TERF2IP: variants seen among roughly 807,000 people sequenced by gnomAD.
The protein encoded by TERF2IP is telomeric repeat-binding factor 2-interacting protein 1.
TERF2IP carries 35 observed loss-of-function variants against 33.3 expected under a neutral mutation model. That is an observed-to-expected ratio of 1.05 (90% CI 0.80 to 1.39). The LOEUF is 1.39. Ranked by LOEUF, TERF2IP falls within the 40% of genes most tolerant of loss-of-function variation. The probability of loss-of-function intolerance (pLI) is 0.00; values close to 1 mark genes in which losing one functional copy is unlikely to be tolerated. For missense variants in TERF2IP, 583 were observed against 524.8 expected, an observed-to-expected ratio of 1.11 and a Z score of -1.08; for synonymous variants, 253 against 223.2, an observed-to-expected ratio of 1.13 and a Z score of -1.19.
chr16:75,651,732 G>C (rs1421889586), intron 1 of TERF2IP, among the ~76,000 whole-genome samples: 2 of 152,128 alleles, frequency 1.3e-5, no homozygotes, highest in African/African-American at 2.4e-5. Context: ...CAGACCCTGA[G>C]CCTAGGGTCA....
At position 75,648,185 on chromosome 16, in the gene TERF2IP, G is replaced by A; in HGVS notation, c.303G>A (p.Leu101=). The change falls in exon 1 of 3, where the codon CTG becomes CTA. Residue 101 remains leucine (L), a synonymous_variant. Coordinates refer to ENST00000300086, the MANE Select transcript of TERF2IP (RefSeq NM_018975.4). ...NERLELEAYR[L]GPASAADTGS... ...GGCTGGAGCTGGAGGCCTATCGGCTGGGCCCCGCCTCGGCGGCGGACACCG... is the reference window on the plus strand; with the variant it reads ...GGCTGGAGCTGGAGGCCTATCGGCTAGGCCCCGCCTCGGCGGCGGACACCG... 2 of 1,554,218 alleles carry A rather than the reference G, an allele frequency of 1.3e-6. No individual in the cohort carries two copies. The highest frequency in any genetic ancestry group is 1.7e-6 in the Non-Finnish European group (2 of 1,151,930).
In TERF2IP at chr16:75,648,255, C is replaced by T; in HGVS notation, c.373C>T (p.Pro125Ser). Residue 125 changes from proline to serine, a missense_variant, in exon 1 of 3, where the codon CCG (proline) becomes TCG (serine). Transcript: ENST00000300086. ...GGCCCTGGCCGAGGGCGCCGCGGAG[C>T]CGGAGCCGCAGCGGCACGCCGGGCG... ...PGALAEGAAEPEPQRHAGRIA... is the reference protein window; with the variant it reads ...PGALAEGAAESEPQRHAGRIA... The T allele has an allele frequency of 6.5e-7, 1 of 1,546,734 alleles. No individual in the cohort carries two copies. The highest frequency in any genetic ancestry group is 8.7e-7 in the Non-Finnish European group (1 of 1,145,292).
rs1392393785 is a variant in TERF2IP at position 75,648,109 on chromosome 16, G to C, written c.227G>C (p.Gly76Ala). 2.6e-6 allele frequency: 4 copies of C among 1,558,322 alleles called. No homozygotes were observed. The South Asian group carries it at 4.6e-5, about 18-fold the overall frequency. The part of the protein sequence containing the change: ...QPGEALAEAS[G>A]DFISTQYILD... The stretch of plus-strand genomic sequence containing the variant: ...GGGGAGGCGCTGGCCGAGGCCTCGG[G>C]TGATTTCATCTCCACGCAGTACATC... The change falls in exon 1 of 3, where the codon GGT becomes GCT. Residue 76 changes from glycine (G) to alanine (A), a missense_variant. By Grantham distance (60) the Gly-to-Ala change is moderately conservative. Transcript: ENST00000300086.
At chr16:75,654,105 C>CT (rs2151819704) in intron 1 of TERF2IP, among the ~76,000 whole-genome samples, 168 bp from the exon 2 acceptor site, 1 of 134,742 alleles carries the variant, frequency 7.4e-6, no homozygotes, top group Non-Finnish European at 1.5e-5. Context: ...ACGTCCTAGG[C>CT]TTTTTTTACC....
chr16:75,656,648 G>A lies in TERF2IP; in HGVS notation c.*37G>A. ...ATGAGAAAAGAAAAAAGTCATGGTA[G>A]GTGAGGTGGTTAAAAAAAATTGTGA... On this transcript the variant is annotated 3_prime_UTR_variant, in exon 3 of 3. Coordinates refer to ENST00000300086, the MANE Select transcript of TERF2IP (RefSeq NM_018975.4). 2 of 1,538,738 alleles carry A rather than the reference G, an allele frequency of 1.3e-6. No homozygotes were observed. The highest frequency in any genetic ancestry group is 2.1e-5 in the Admixed American group (1 of 46,972).
At chr16:75,648,666 C>A in intron 1 of TERF2IP, 114 bp downstream of exon 1, 1 of 1,434,892 alleles carries the variant, frequency 7.0e-7, no homozygotes, top group Non-Finnish European at 9.1e-7. Context: ...TTGGCCCCGC[C>A]CCCTGTTGAC....
intron 1 of TERF2IP, among the ~76,000 whole-genome samples, chr16:75,653,279 C>T (rs1219434931): frequency 1.3e-5 from 2 of 152,000 alleles, no homozygotes; most frequent in Non-Finnish European, 2.9e-5. Flanking sequence ...AGGTATATGC[C>T]TAGAAATGCA....
intron 1 of TERF2IP, 140 bp downstream of exon 1, chr16:75,648,692 C>T (rs2082323220): frequency 1.4e-6 from 2 of 1,432,942 alleles, no homozygotes; most frequent in Non-Finnish European, 9.1e-7. Context: ...GGTAAATTTG[C>T]ACCATTTTCT....
intron 1 of TERF2IP, among the ~76,000 whole-genome samples, chr16:75,649,234 A>G (rs2082328358): frequency 2.0e-5 from 3 of 152,208 alleles, no homozygotes; most frequent in Non-Finnish European, 4.4e-5. Flanking sequence ...TTCAAAAGTT[A>G]CAAAAAGTAT....
At chr16:75,653,046 T>C (rs891532663) in intron 1 of TERF2IP, among the ~76,000 whole-genome samples, 2 of 152,158 alleles carry the variant, frequency 1.3e-5, no homozygotes, top group Admixed American at 6.6e-5. Flanking sequence ...TATTTCACTT[T>C]ACATAATATC....
At chr16:75,651,931 A>G (rs2082350593) in intron 1 of TERF2IP, among the ~76,000 whole-genome samples, 2 of 152,182 alleles carry the variant, frequency 1.3e-5, no homozygotes, top group Non-Finnish European at 2.9e-5. Context: ...AAGATTGGCA[A>G]AAGTCAATAC....
chr16:75,651,913 TTATCTA>T (rs1322693645), intron 1 of TERF2IP, among the ~76,000 whole-genome samples: 1 of 152,184 alleles, frequency 6.6e-6, no homozygotes, highest in East Asian at 1.9e-4. Flanking sequence ...ATGTTATACT[TTATCTA>T]TAAGATTGGC....
In TERF2IP at chr16:75,654,148, T is replaced by TAAA. The variant is rs34359798; in HGVS notation, c.671-102_671-100dup. 6.5e-3 allele frequency: 1,872 copies of TAAA among 290,082 alleles called. 45 individuals are homozygous for TAAA. The highest frequency in any genetic ancestry group is 0.048 in the African/African-American group (1,129 of 23,528). 18.0% of individuals were successfully genotyped at this position (290,082 alleles called of 1,614,324 possible). ...ATCAAGAACAGATGTCTTCTGATAG[T>TAAA]AAAAAAAAAAAAAAAAAAAAAAAAA... On this transcript the variant is annotated intron_variant, in intron 1 of 2. Transcript: ENST00000300086.
rs527578891 is a variant in TERF2IP at position 75,650,494 on chromosome 16, A to G, written c.670+1942A>G. Among the ~76,000 whole-genome samples the G allele has an allele frequency of 4.6e-5, 7 of 152,282 alleles. No homozygotes were observed. In the East Asian group the frequency reaches 9.6e-4, roughly 21 times the overall value. ...TTAGGGCTATGTGTATGGGTGAAGTATGTCATCATGTATGGCCTTGCTTTT... is the reference window on the plus strand; with the variant it reads ...TTAGGGCTATGTGTATGGGTGAAGTGTGTCATCATGTATGGCCTTGCTTTT... On this transcript the variant is annotated intron_variant, in intron 1 of 2. Coordinates refer to ENST00000300086, the MANE Select transcript of TERF2IP (RefSeq NM_018975.4).
Position 75,647,999 on chromosome 16 carries a change from G to A in TERF2IP, c.117G>A (p.Lys39=). Residue 39 remains lysine, a synonymous_variant, in exon 1 of 3, where the codon AAG becomes AAA. Coordinates refer to ENST00000300086, the MANE Select transcript of TERF2IP (RefSeq NM_018975.4). ...TCTACGTGCGGCCCAGCCCGGCCAA[G>A]CGTCGGCTGTCGACGCTCATCCTGC... ...MSFYVRPSPA[K]RRLSTLILHG... 2 of 1,613,328 alleles carry A rather than the reference G, an allele frequency of 1.2e-6. No individual in the cohort carries two copies. Among genetic ancestry groups the A allele is most frequent in the Non-Finnish European group, 1.7e-6 (2 of 1,179,824 alleles).
intron 1 of TERF2IP, chr16:75,648,767 C>T (rs2082324116): frequency 3.7e-6 from 5 of 1,333,646 alleles, no homozygotes; most frequent in Non-Finnish European, 4.9e-6. Context: ...GTTACCTAAG[C>T]TGGTCTGAAC....
intron 1 of TERF2IP, among the ~76,000 whole-genome samples, chr16:75,654,047 TGGATAGTA>T (rs1465551288): frequency 6.6e-6 from 1 of 151,958 alleles, no homozygotes; most frequent in Non-Finnish European, 1.5e-5. Flanking sequence ...TATCATTGTT[TGGATAGTA>T]CATCTTTTCA....
At chr16:75,655,993 ACACACACACGCG>A (rs2082382463) in intron 2 of TERF2IP, among the ~76,000 whole-genome samples, 1 of 147,438 alleles carries the variant, frequency 6.8e-6, no homozygotes, top group African/African-American at 2.5e-5. Context: ...ACACACGTGC[ACACACACACGCG>A]CACACACACA....
chr16:75,652,643 A>C (rs2082356024), intron 1 of TERF2IP, among the ~76,000 whole-genome samples: 1 of 152,238 alleles, frequency 6.6e-6, no homozygotes, highest in Non-Finnish European at 1.5e-5. Context: ...TTAAATACAT[A>C]CAGTAAAATT....
Sources: allele counts gnomAD v4.1 joint callset (sites outside exome capture counted in the v4.1 genomes callset), GRCh38; gene constraint gnomAD v4.1.1; transcripts MANE v1.5; gene names NCBI Gene and HGNC (gene_info 2026-07-23, HGNC 2026-07-21).